The following MEGF6 variants were observed in gnomAD, a reference collection of about 807,000 sequenced individuals.
MEGF6 encodes the protein multiple epidermal growth factor-like domains protein 6.
MEGF6 carries 184 observed loss-of-function variants against 207.1 expected under a neutral mutation model. The ratio of observed to expected loss-of-function variants is 0.89; its 90% confidence interval spans 0.79 to 1.00. The LOEUF (loss-of-function observed/expected upper bound fraction) is 1.00, where lower values mean the gene tolerates loss of function less well. Ranked by LOEUF, MEGF6 falls within the 50% of genes least tolerant of loss-of-function variation. MEGF6 has a pLI of 0.00. For missense variants in MEGF6, 2,282 were observed against 2,202.9 expected, an observed-to-expected ratio of 1.04 and a Z score of -0.72; for synonymous variants, 1,038 against 910.0, an observed-to-expected ratio of 1.14 and a Z score of -2.53.
In MEGF6 at chr1:3,495,901, C is replaced by T. The variant is rs57804877; in HGVS notation, c.3860G>A (p.Arg1287His). 4,268 of 1,597,960 alleles carry T rather than the reference C, an allele frequency of 2.7e-3. 82 individuals carry two copies. In the African/African-American group the frequency reaches 0.047, roughly 17 times the overall value. The change falls in exon 30 of 37, where the codon CGC becomes CAC. Residue 1287 changes from arginine to histidine, a missense_variant. By Grantham distance (29) the Arg-to-His change is conservative (BLOSUM62 0). Coordinates refer to ENST00000356575, the MANE Select transcript of MEGF6 (RefSeq NM_001409.4). Reference sequence around the variant, plus strand: ...GAGTGAACACTCACCTCGCTCACAGCGGACGCCGGCTCTCCCCGGGGGGCA... The same window carrying T: ...GAGTGAACACTCACCTCGCTCACAGTGGACGCCGGCTCTCCCCGGGGGGCA... ...CLCPPGRAGVRCERGCPQNRF... is the reference protein window; with the variant it reads ...CLCPPGRAGVHCERGCPQNRF...
chr1:3,532,600 C>G (rs1293332773), intron 4 of MEGF6, among the ~76,000 whole-genome samples: 4 of 152,228 alleles, frequency 2.6e-5, no homozygotes, highest in Admixed American at 2.6e-4. Context: ...CAGCCTGTTC[C>G]CAGAGATGCA....
Position 3,508,791 on chromosome 1 carries a change from G to C in MEGF6, c.1529-102C>G. ...TCAGGCCAGGGAAGGGGCATAAGGGGCATCCTCGGCCCATGAGGGCCCCCA... is the reference window on the plus strand; with the variant it reads ...TCAGGCCAGGGAAGGGGCATAAGGGCCATCCTCGGCCCATGAGGGCCCCCA... On this transcript the variant is annotated intron_variant, in intron 12 of 36. Coordinates refer to ENST00000356575, the MANE Select transcript of MEGF6 (RefSeq NM_001409.4). 3.5e-6 allele frequency: 5 copies of C among 1,434,622 alleles called. No homozygotes were observed. In the South Asian group the frequency reaches 6.7e-5, roughly 19 times the overall value. 88.9% of individuals were successfully genotyped at this position (1,434,622 alleles called of 1,614,324 possible).
chr1:3,621,006 T>G, the MEGF6 span, among the ~76,000 whole-genome samples: 1 of 152,222 alleles, frequency 6.6e-6, no homozygotes, highest in Non-Finnish European at 1.5e-5. Context: ...CTTCTGGTAC[T>G]TCCACTAATT....
intron 4 of MEGF6, 103 bp from the exon 5 acceptor site, chr1:3,524,349 T>C: frequency 6.8e-7 from 1 of 1,471,098 alleles, no homozygotes; most frequent in Non-Finnish European, 9.3e-7. Flanking sequence ...GTCCCTCCCG[T>C]GCCTCGAGGG....
At chr1:3,549,699 C>G (rs1000495297) in intron 4 of MEGF6, among the ~76,000 whole-genome samples, 7 of 152,234 alleles carry the variant, frequency 4.6e-5, no homozygotes, top group Non-Finnish European at 1.0e-4. Context: ...GGCTCCAGCT[C>G]GGGCTATGGG....
rs375100441 is a variant in MEGF6, at chr1:3,497,288, G to A, written c.3426C>T (p.His1142=). 38 of 1,551,708 alleles carry A rather than the reference G, an allele frequency of 2.4e-5. No individual in the cohort carries two copies. The highest frequency in any genetic ancestry group is 8.3e-5 in the African/African-American group (6 of 72,464). Residue 1142 remains histidine, a synonymous_variant, in exon 27 of 37, where the codon CAC becomes CAT. Coordinates refer to ENST00000356575, the MANE Select transcript of MEGF6 (RefSeq NM_001409.4). ...CSCPPGAACH[H]VTGACRCPPG... is the part of the protein sequence containing the mutation. ...GGGGACAGCGGCAGGCCCCAGTGAC[G>A]TGGTGGCAGGCAGCGCCAGGCGGGC... is the stretch of plus-strand genomic sequence containing the variant.
rs1318578384 is a variant in MEGF6, at chr1:3,595,473, G to A, written c.267-26C>T. 24 of 1,581,932 alleles carry A rather than the reference G, an allele frequency of 1.5e-5. No homozygotes were observed. In the East Asian group the frequency reaches 5.1e-4, roughly 34 times the overall value. On this transcript the variant is annotated intron_variant, in intron 2 of 36. Transcript: ENST00000356575. ...CTAGAAAGAAAGAGAGAAGGGAAGT[G>A]CTTACCGTCGCGGGACTGGCTGTAT...
intron 7 of MEGF6, among the ~76,000 whole-genome samples, chr1:3,512,652 T>C (rs1282708027): frequency 1.3e-5 from 2 of 152,182 alleles, no homozygotes; most frequent in Non-Finnish European, 2.9e-5. Flanking sequence ...AAGCCCTCTC[T>C]TTTCCTACCG....
chr1:3,564,552 C>T (rs1643294267), intron 4 of MEGF6, among the ~76,000 whole-genome samples: 1 of 152,134 alleles, frequency 6.6e-6, no homozygotes. Context: ...GCCTCCTCTC[C>T]CCACTGTGCT....
At chr1:3,607,512 A>T (rs1349880337) in intron 1 of MEGF6, among the ~76,000 whole-genome samples, 1 of 152,168 alleles carries the variant, frequency 6.6e-6, no homozygotes, top group Non-Finnish European at 1.5e-5. Flanking sequence ...GGACTTCAGC[A>T]CTGCACACAC....
rs370863552 is a variant in MEGF6, at chr1:3,494,566, C to T, written c.4000+47G>A. 196 of 1,561,164 alleles carry T rather than the reference C, an allele frequency of 1.3e-4. No individual in the cohort carries two copies. In the African/African-American group the frequency reaches 2.4e-3, roughly 19 times the overall value. ...TGCCCAGCCCTATGGCAGCCCAGGG[C>T]ACCTCCCTGAGGGGATGCTGGGGTC... On this transcript the variant is annotated intron_variant, in intron 31 of 36. Coordinates refer to ENST00000356575, the MANE Select transcript of MEGF6 (RefSeq NM_001409.4).
Position 3,511,647 on chromosome 1 carries a change from G to A in MEGF6, c.1017C>T (p.Asn339=), listed in dbSNP as rs369190925. 9 of 1,612,194 alleles carry A rather than the reference G, an allele frequency of 5.6e-6. No homozygotes were observed. The highest frequency in any genetic ancestry group is 3.3e-5 in the Admixed American group (2 of 59,980). ...MEIVNSCEAN[N]GGCSHGCSHT... Reference sequence around the variant, plus strand: ...GGCTGCAGCCATGGGAGCAGCCGCCGTTGTTGGCCTCACAGCTGTTCACGA... The same window carrying A: ...GGCTGCAGCCATGGGAGCAGCCGCCATTGTTGGCCTCACAGCTGTTCACGA... The change falls in exon 9 of 37, where the codon AAC becomes AAT. Residue 339 remains asparagine, a synonymous_variant. Transcript: ENST00000356575.
chr1:3,492,835 G>A (rs1431860694), intron 34 of MEGF6, 68 bp from the exon 35 acceptor site: 1 of 1,562,194 alleles, frequency 6.4e-7, no homozygotes, highest in Non-Finnish European at 8.7e-7. Context: ...CAAGGAGCCT[G>A]GGCCTAGGGG....
intron 4 of MEGF6, among the ~76,000 whole-genome samples, chr1:3,539,266 G>A (rs563541576): frequency 1.2e-3 from 183 of 152,220 alleles, no homozygotes; most frequent in African/African-American, 4.0e-3. Flanking sequence ...GGCAGCAGCG[G>A]CCTCCCATCA....
In MEGF6 at chr1:3,602,537, G is replaced by C; in HGVS notation, c.195C>G (p.Ala65=). The C allele has an allele frequency of 6.2e-7, 1 of 1,613,142 alleles. No individual in the cohort carries two copies. Among genetic ancestry groups the C allele is most frequent in the Non-Finnish European group, 8.5e-7 (1 of 1,179,836 alleles). ...LVGRRQPCVQ[A]LSHTVPVWKA... is the part of the protein sequence containing the mutation. The stretch of plus-strand genomic sequence containing the variant: ...TCCACACCGGCACCGTGTGGCTTAA[G>C]GCCTGCACGCACGGCTGGCGGCGGC... The change falls in exon 2 of 37, where the codon GCC becomes GCG. Residue 65 remains alanine (A), a synonymous_variant. Coordinates refer to ENST00000356575, the MANE Select transcript of MEGF6 (RefSeq NM_001409.4).
intron 3 of MEGF6, among the ~76,000 whole-genome samples, chr1:3,589,368 C>T (rs1257622508): frequency 6.6e-6 from 1 of 152,058 alleles, no homozygotes; most frequent in Non-Finnish European, 1.5e-5. Flanking sequence ...CATACCTGCG[C>T]CCCCCACCCC....
intron 4 of MEGF6, among the ~76,000 whole-genome samples, chr1:3,577,651 G>A (rs1643678211): frequency 6.6e-6 from 1 of 152,180 alleles, no homozygotes; most frequent in South Asian, 2.1e-4. Context: ...TGTGGATGCT[G>A]AGCCCCGGGC....
chr1:3,621,261 A>G, the MEGF6 span, among the ~76,000 whole-genome samples: 1 of 152,194 alleles, frequency 6.6e-6, no homozygotes, highest in Non-Finnish European at 1.5e-5. Context: ...CTTGGCACTG[A>G]CGCTGCCACT....
intron 14 of MEGF6, among the ~76,000 whole-genome samples, chr1:3,507,127 G>C (rs535705076): frequency 9.8e-4 from 150 of 152,300 alleles, no homozygotes; most frequent in Non-Finnish European, 1.8e-3. Flanking sequence ...ACCACCACCA[G>C]GCAACCAGCC....
Sources: gnomAD v4.1 joint callset for allele counts (sites outside exome capture counted in the v4.1 genomes callset) on GRCh38, gnomAD v4.1.1 for gene constraint, MANE v1.5 for transcripts, NCBI Gene and HGNC (gene_info 2026-07-23, HGNC 2026-07-21) for gene names.